The following POM121C variants were observed in gnomAD, a reference collection of about 807,000 sequenced individuals.
POM121C encodes the protein nuclear envelope pore membrane protein POM 121C.
POM121C carries 20 observed loss-of-function variants against 66.4 expected under a neutral mutation model. The ratio of observed to expected loss-of-function variants is 0.30; its 90% CI spans 0.21 to 0.44. The LOEUF is 0.44. Ranked by LOEUF, POM121C falls within the 20% of genes least tolerant of loss-of-function variation. The pLI is 1.00. For missense variants in POM121C, 580 were observed against 1,225.7 expected (o/e 0.47, Z 7.87); for synonymous variants, 286 against 528.0 (o/e 0.54, Z 6.28).
intron 3 of POM121C, among the ~76,000 whole-genome samples, chr7:75,472,590 AG>A (rs1233107720): frequency 2.6e-5 from 4 of 151,986 alleles, no homozygotes; most frequent in Non-Finnish European, 5.9e-5. Context: ...GTGGATCACA[AG>A]GTCAGGAGTT....
At chr7:75,459,757 A>G (rs1791386167) in intron 3 of POM121C, among the ~76,000 whole-genome samples, 1 of 127,306 alleles carries the variant, frequency 7.9e-6, no homozygotes. Flanking sequence ...TAAAAATTAT[A>G]TTTGATGGGC....
rs1393911977 is a variant in POM121C at position 75,416,966 on chromosome 7, T to C, written c.*1830A>G. On this transcript the variant is annotated 3_prime_UTR_variant, in exon 15 of 15. Transcript: ENST00000615331. The stretch of plus-strand genomic sequence containing the variant: ...CATCCACACTCACTCTCACTCAGGG[T>C]TCCCGGACCGGCTGTCCTGCCTGCG... 1.2e-5 allele frequency: 16 copies of C among 1,363,132 alleles called. No individual in the cohort carries two copies. Among genetic ancestry groups the C allele is most frequent in the Non-Finnish European group, 1.5e-5 (16 of 1,057,482 alleles). 84.4% of individuals were successfully genotyped at this position (1,363,132 alleles called of 1,614,324 possible).
At position 75,486,115 on chromosome 7, in the gene POM121C, G is replaced by C. The variant is rs2116570643; in HGVS notation, c.-709C>G. 2.8e-6 allele frequency: 1 copy of C among 352,052 alleles called. No individual in the cohort carries two copies. The highest frequency in any genetic ancestry group is 2.3e-5 in the African/African-American group (1 of 43,652). 21.8% of individuals were successfully genotyped at this position (352,052 alleles called of 1,614,324 possible). ...GCCGGCTCCGGGGTTCACGCTCGGG[G>C]GTCCCAGCTCGAGCCTCTACCCGGC... is the stretch of plus-strand genomic sequence containing the variant. On this transcript the variant is annotated 5_prime_UTR_variant, in exon 1 of 15. Coordinates refer to ENST00000615331, the MANE Select transcript of POM121C (RefSeq NM_001099415.3).
In POM121C at chr7:75,419,741, C is replaced by A. The variant is rs189473027; in HGVS notation, c.2744-299G>T. The A allele has an allele frequency of 2.6e-3, 994 of 376,838 alleles. 8 individuals are homozygous for A. The highest frequency in any genetic ancestry group is 0.019 in the African/African-American group (861 of 46,274). 23.3% of individuals were successfully genotyped at this position (376,838 alleles called of 1,614,324 possible). A position where few individuals can be genotyped will look rare whatever the true frequency, so the allele number is the denominator to read the frequency against. On this transcript the variant is annotated intron_variant, in intron 13 of 14. Coordinates refer to ENST00000615331, the MANE Select transcript of POM121C (RefSeq NM_001099415.3). Reference sequence around the variant, plus strand: ...CGCTGCAGAGGGGAGTACTCTGGGGCCCCCGCCTCCTAGCGTACCTGGGTT... The same window carrying A: ...CGCTGCAGAGGGGAGTACTCTGGGGACCCCGCCTCCTAGCGTACCTGGGTT...
Position 75,419,500 on chromosome 7 carries a change from G to A in POM121C, c.2744-58C>T. 4.4e-6 allele frequency: 7 copies of A among 1,595,206 alleles called. No individual in the cohort carries two copies. In the South Asian group the frequency reaches 5.6e-5, roughly 13 times the overall value. ...AGCAGAGGGCGGAGGCAGGCGAGGAGCCGGGCAGGAGCCTGTGCTCTGCAG... is the reference window on the plus strand; with the variant it reads ...AGCAGAGGGCGGAGGCAGGCGAGGAACCGGGCAGGAGCCTGTGCTCTGCAG... On this transcript the variant is annotated intron_variant, in intron 13 of 14. Coordinates refer to ENST00000615331, the MANE Select transcript of POM121C (RefSeq NM_001099415.3).
intron 3 of POM121C, among the ~76,000 whole-genome samples, chr7:75,460,405 G>C (rs1791405369): frequency 6.6e-6 from 1 of 152,010 alleles, no homozygotes; most frequent in Non-Finnish European, 1.5e-5. Flanking sequence ...GGGAGGCTGA[G>C]GTGAGAGAAT....
intron 3 of POM121C, among the ~76,000 whole-genome samples, chr7:75,474,371 G>C (rs1241907287): frequency 4.6e-5 from 7 of 152,272 alleles, no homozygotes; most frequent in African/African-American, 1.7e-4. Flanking sequence ...ATCAGCCTGG[G>C]TGACAGAACA....
intron 3 of POM121C, among the ~76,000 whole-genome samples, chr7:75,469,735 C>T (rs1432977382): frequency 6.6e-6 from 1 of 152,156 alleles, no homozygotes; most frequent in African/African-American, 2.4e-5. Flanking sequence ...GAACTTCGCT[C>T]CAGCCTCATT....
chr7:75,486,230 TC>T lies in POM121C; in HGVS notation c.-825del, dbSNP rs1792543209. The stretch of plus-strand genomic sequence containing the variant: ...AGCCCCGCAGACTCGGTGATTCTCG[TC>T]CACTAGAAGCCAAAGCCTGGGAACG... On this transcript the variant is annotated 5_prime_UTR_variant, in exon 1 of 15. Transcript: ENST00000615331. 4.6e-5 allele frequency: 13 copies of T among 282,842 alleles called. No individual in the cohort carries two copies. In the Admixed American group the frequency reaches 7.0e-4, roughly 15 times the overall value. The allele number at this position is 282,842 out of a possible 1,614,324, so 17.5% of individuals were successfully genotyped here. A position where few individuals can be genotyped will look rare whatever the true frequency, so the allele number is the denominator to read the frequency against.
chr7:75,431,000 C>T (rs7805030), intron 7 of POM121C, among the ~76,000 whole-genome samples: 11,171 of 146,664 alleles, frequency 0.076, 1,380 homozygotes, highest in African/African-American at 0.26. Context: ...GGCGTGAACC[C>T]GGGAGGCGGA....
At chr7:75,479,501 A>G (rs1194384199) in intron 1 of POM121C, among the ~76,000 whole-genome samples, 2 of 148,674 alleles carry the variant, frequency 1.3e-5, no homozygotes, top group Non-Finnish European at 2.9e-5. Context: ...CTGTAATCCC[A>G]GCTACCCAGG....
chr7:75,432,641 C>G (rs1457459178), intron 7 of POM121C, among the ~76,000 whole-genome samples: 2 of 152,014 alleles, frequency 1.3e-5, no homozygotes, highest in Non-Finnish European at 2.9e-5. Context: ...GTATTATACT[C>G]TAGTAAAAAA....
At chr7:75,482,758 G>A (rs1188562287) in intron 1 of POM121C, among the ~76,000 whole-genome samples, 1 of 151,998 alleles carries the variant, frequency 6.6e-6, no homozygotes, top group Non-Finnish European at 1.5e-5. Context: ...ACTTACAGAT[G>A]AATCTTTTTA....
Position 75,418,854 on chromosome 7 carries a change from T to C in POM121C, c.2906A>G (p.Lys969Arg), listed in dbSNP as rs1789577140. ...APSFSIGAGS[K>R]TPGARQRLQA... ...CAGTCGCTGTCGAGCCCCTGGGGTC[T>C]TGGATCCCGCACCAATGGAAAATGA... The change falls in exon 15 of 15, where the codon AAG (lysine) becomes AGG (arginine). Residue 969 changes from lysine (K) to arginine (R), a missense_variant. Transcript: ENST00000615331. 8.1e-6 allele frequency: 13 copies of C among 1,611,900 alleles called. No individual in the cohort carries two copies. Among genetic ancestry groups the C allele is most frequent in the Non-Finnish European group, 1.0e-5 (12 of 1,179,820 alleles).
chr7:75,477,223 G>A (rs1584717558), intron 1 of POM121C, among the ~76,000 whole-genome samples: 1 of 151,296 alleles, frequency 6.6e-6, no homozygotes, highest in African/African-American at 2.4e-5. Context: ...CAAGAACAAG[G>A]TATTAATAAA....
Position 75,418,433 on chromosome 7 carries a change from C to G in POM121C, c.*363G>C. The G allele has an allele frequency of 1.2e-5, 12 of 1,037,092 alleles. No homozygotes were observed. The highest frequency in any genetic ancestry group is 1.4e-5 in the Non-Finnish European group (12 of 862,958). 64.2% of individuals were successfully genotyped at this position (1,037,092 alleles called of 1,614,324 possible). On this transcript the variant is annotated 3_prime_UTR_variant, in exon 15 of 15. Transcript: ENST00000615331. ...ACCGATCCAGGCGGGCTGGACCCTG[C>G]CCCCTCCAGCGACGACGGCTCTCGG... is the stretch of plus-strand genomic sequence containing the variant.
intron 3 of POM121C, among the ~76,000 whole-genome samples, chr7:75,474,366 C>T (rs1460628113): frequency 4.6e-5 from 7 of 152,108 alleles, no homozygotes; most frequent in South Asian, 2.1e-4. Flanking sequence ...TGCACATCAG[C>T]CTGGGTGACA....
intron 3 of POM121C, among the ~76,000 whole-genome samples, chr7:75,472,964 G>A (rs1318761586): frequency 6.6e-6 from 1 of 152,208 alleles, no homozygotes; most frequent in Non-Finnish European, 1.5e-5. Flanking sequence ...ATCCAGGTAT[G>A]GGAGAATACT....
At chr7:75,461,208 C>T (rs879974721) in intron 3 of POM121C, among the ~76,000 whole-genome samples, 5 of 151,950 alleles carry the variant, frequency 3.3e-5, no homozygotes, top group African/African-American at 9.7e-5. Context: ...AACAAAAAAC[C>T]ACAAAATATA....
Sources: gnomAD v4.1 joint callset for allele counts (sites outside exome capture counted in the v4.1 genomes callset) on GRCh38, gnomAD v4.1.1 for gene constraint, MANE v1.5 for transcripts, NCBI Gene and HGNC (gene_info 2026-07-23, HGNC 2026-07-21) for gene names.